The following UGGT1 variants were observed in gnomAD, a reference collection of about 807,000 sequenced individuals.
UGGT1 encodes UDP-glucose glycoprotein glucosyltransferase 1.
In UGGT1, 107 loss-of-function variants were observed where a neutral mutation model predicts 203.9. The observed-to-expected ratio is 0.52, with a 90% CI of 0.45 to 0.62. The LOEUF (loss-of-function observed/expected upper bound fraction) is 0.62. Ranked by LOEUF, UGGT1 falls within the 20% of genes least tolerant of loss-of-function variation. The pLI is 0.00. For synonymous variants in UGGT1, 628 were observed against 653.5 expected, an observed-to-expected ratio of 0.96 and a Z score of 0.59; for missense variants, 1,673 against 1,867.2, an observed-to-expected ratio of 0.90 and a Z score of 1.92.
At chr2:128,097,376 A>G (rs1278237662) in intron 1 of UGGT1, 53 bp from the exon 2 acceptor site, 1 of 1,331,090 alleles carries the variant, frequency 7.5e-7, no homozygotes, top group Non-Finnish European at 1.0e-6. Context: ...CTGCGTCTCA[A>G]AAAAAAAAAA....
intron 1 of UGGT1, among the ~76,000 whole-genome samples, chr2:128,096,362 T>C (rs4366847): frequency 0.9 from 137,065 of 152,256 alleles, 62,474 homozygotes; most frequent in Non-Finnish European, 0.98. Context: ...GAACAATAGA[T>C]ATTTACTGTC....
In UGGT1 at chr2:128,192,812, C is replaced by T. The variant is rs1353250815; in HGVS notation, c.*3070C>T. ...TCATTGTTGCATTTCGAATTGAACA[C>T]ATAGATGCTTGCCTGTCTGCTTGGG... On this transcript the variant is annotated 3_prime_UTR_variant, in exon 41 of 41. Transcript: ENST00000259253. 6.6e-6 allele frequency: 1 copy of T among 152,010 alleles called. No homozygotes were observed. Among genetic ancestry groups the T allele is most frequent in the African/African-American group, 2.4e-5 (1 of 41,388 alleles). The allele number at this position is 152,010 out of a possible 1,614,324, so 9.4% of individuals were successfully genotyped here.
At position 128,182,295 on chromosome 2, in the gene UGGT1, T is replaced by A. The variant is rs1435719730; in HGVS notation, c.4244+5T>A. On this transcript the variant is annotated splice_donor_5th_base_variant and intron_variant, in intron 37 of 40. Transcript: ENST00000259253. ...CGGGCGAAAGTATCATATCAGGTACTGAAAAGAAGCACTCCTAACACTGTT... is the reference window on the plus strand; with the variant it reads ...CGGGCGAAAGTATCATATCAGGTACAGAAAAGAAGCACTCCTAACACTGTT... 1.2e-6 allele frequency: 2 copies of A among 1,609,574 alleles called. No individual in the cohort carries two copies. Among genetic ancestry groups the A allele is most frequent in the Admixed American group, 3.4e-5 (2 of 58,672 alleles).
At position 128,193,987 on chromosome 2, in the gene UGGT1, A is replaced by G. The variant is rs1054895394; in HGVS notation, c.*4245A>G. ...TACTGTGGTATTGCATTTCATGGGA[A>G]TGGAAATGTATTGGTAAAGCTACCT... On this transcript the variant is annotated 3_prime_UTR_variant, in exon 41 of 41. Transcript: ENST00000259253. The G allele has an allele frequency of 6.6e-6, 1 of 152,228 alleles. No homozygotes were observed. Among genetic ancestry groups the G allele is most frequent in the Non-Finnish European group, 1.5e-5 (1 of 68,026 alleles). The allele number at this position is 152,228 out of a possible 1,614,324, so 9.4% of individuals were successfully genotyped here.
intron 26 of UGGT1, among the ~76,000 whole-genome samples, chr2:128,168,558 C>G (rs1402445457): frequency 1.3e-5 from 2 of 152,176 alleles, no homozygotes; most frequent in Non-Finnish European, 2.9e-5. Flanking sequence ...ATTGTAACCA[C>G]ATTATAGTAT....
chr2:128,135,690 A>G (rs1346706311), intron 15 of UGGT1, among the ~76,000 whole-genome samples: 4 of 152,190 alleles, frequency 2.6e-5, no homozygotes, highest in Non-Finnish European at 4.4e-5. Flanking sequence ...CAAACCCTTT[A>G]GGGAGATATA....
At chr2:128,156,992 T>C (rs2104727535) in intron 21 of UGGT1, among the ~76,000 whole-genome samples, 1 of 152,362 alleles carries the variant, frequency 6.6e-6, no homozygotes, top group African/African-American at 2.4e-5. Flanking sequence ...TTTTACATGC[T>C]AACAGATGCC....
intron 26 of UGGT1, among the ~76,000 whole-genome samples, chr2:128,168,792 A>G (rs1271570238): frequency 6.6e-6 from 1 of 152,184 alleles, no homozygotes; most frequent in Non-Finnish European, 1.5e-5. Flanking sequence ...CATGCCTGTA[A>G]TCCCAGTGCT....
At chr2:128,155,345 AGTT>A in intron 19 of UGGT1, 141 bp from the exon 20 acceptor site, 3 of 608,358 alleles carry the variant, frequency 4.9e-6, no homozygotes, top group Non-Finnish European at 8.4e-6. Context: ...CATGTTGTGA[AGTT>A]GTTCAGTAAA....
At chr2:128,174,724 C>T (rs768233406) in intron 30 of UGGT1, 49 bp from the exon 31 acceptor site, 1 of 1,400,860 alleles carries the variant, frequency 7.1e-7, no homozygotes, top group East Asian at 2.3e-5. Flanking sequence ...TCAGAAATAA[C>T]ATTTTGGTGT....
chr2:128,171,159 T>C, intron 27 of UGGT1, 46 bp from the exon 28 acceptor site: 2 of 1,552,860 alleles, frequency 1.3e-6, no homozygotes, highest in Non-Finnish European at 1.8e-6. Context: ...AATAAATTTC[T>C]GAAGAAAAAA....
chr2:128,143,133 G>T lies in UGGT1; in HGVS notation c.1759G>T (p.Glu587Ter). ...KVRTGEKVKV[E>*]HVVSVLEKKY... ...GAGGACTGGAGAAAAAGTGAAAGTT[G>T]AACATGTGGTCAGTGTCCTGGAGAA... Residue 587 changes from glutamate to a stop codon, truncating the protein, a stop_gained, in exon 17 of 41, where the codon GAA becomes TAA. Coordinates refer to ENST00000259253, the MANE Select transcript of UGGT1 (RefSeq NM_020120.4). LOFTEE classifies it high-confidence loss of function. 1 of 1,613,782 alleles carries T rather than the reference G, an allele frequency of 6.2e-7. No individual in the cohort carries two copies. The highest frequency in any genetic ancestry group is 1.1e-5 in the South Asian group (1 of 90,992).
At chr2:128,104,811 T>C (rs1687528376) in intron 3 of UGGT1, among the ~76,000 whole-genome samples, 1 of 152,012 alleles carries the variant, frequency 6.6e-6, no homozygotes, top group Admixed American at 6.6e-5. Flanking sequence ...TACGCCTGGC[T>C]AATTTTTGTA....
At chr2:128,163,090 C>T (rs1411171620) in intron 25 of UGGT1, among the ~76,000 whole-genome samples, 1 of 152,162 alleles carries the variant, frequency 6.6e-6, no homozygotes, top group Non-Finnish European at 1.5e-5. Context: ...CATTGTTCTT[C>T]ATCAGCCTTC....
At chr2:128,094,945 C>T (rs1573481207) in intron 1 of UGGT1, among the ~76,000 whole-genome samples, 1 of 152,052 alleles carries the variant, frequency 6.6e-6, no homozygotes, top group East Asian at 1.9e-4. Context: ...GACGGGGTTT[C>T]ACCACATTGG....
rs754647642 is a variant in UGGT1, at chr2:128,109,660, A to G, written c.435A>G (p.Glu145=). The G allele has an allele frequency of 6.2e-7, 1 of 1,614,138 alleles. No homozygotes were observed. The highest frequency in any genetic ancestry group is 2.2e-5 in the East Asian group (1 of 44,868). The part of the protein sequence containing the change: ...QQIAADEPPP[E]GCNSFFSVHG... ...TAGCAGCTGATGAACCTCCACCAGA[A>G]GGATGTAATTCGTTTTTTTCAGTGC... Residue 145 remains glutamate, a synonymous_variant, in exon 5 of 41, where the codon GAA becomes GAG. Coordinates refer to ENST00000259253, the MANE Select transcript of UGGT1 (RefSeq NM_020120.4).
chr2:128,140,706 T>G (rs1200837162), intron 16 of UGGT1, among the ~76,000 whole-genome samples: 1 of 152,132 alleles, frequency 6.6e-6, no homozygotes, highest in Non-Finnish European at 1.5e-5. Flanking sequence ...AGAGACAGGA[T>G]CTCACTGTTG....
chr2:128,099,909 G>C (rs72845146), intron 2 of UGGT1, among the ~76,000 whole-genome samples: 46,560 of 151,916 alleles, frequency 0.31, 8,583 homozygotes, highest in Non-Finnish European at 0.4. Context: ...GAGACTGCCT[G>C]AGCTGGACTG....
At position 128,194,055 on chromosome 2, in the gene UGGT1, T is replaced by C. The variant is rs1016399620; in HGVS notation, c.*4313T>C. The C allele has an allele frequency of 6.6e-6, 1 of 152,188 alleles. No individual in the cohort carries two copies. The highest frequency in any genetic ancestry group is 6.5e-5 in the Admixed American group (1 of 15,284). 9.4% of individuals were successfully genotyped at this position (152,188 alleles called of 1,614,324 possible). A position where few individuals can be genotyped will look rare whatever the true frequency, so the allele number is the denominator to read the frequency against. ...GGTAACAAAAATGGAGGGTGTATTA[T>C]GTGCAGTTATTTAAATATATGTATT... is the stretch of plus-strand genomic sequence containing the variant. On this transcript the variant is annotated 3_prime_UTR_variant, in exon 41 of 41. Coordinates refer to ENST00000259253, the MANE Select transcript of UGGT1 (RefSeq NM_020120.4).
Sources: gnomAD v4.1 joint callset for allele counts (sites outside exome capture counted in the v4.1 genomes callset) on GRCh38, gnomAD v4.1.1 for gene constraint, MANE v1.5 for transcripts, NCBI Gene and HGNC (gene_info 2026-07-23, HGNC 2026-07-21) for gene names.